PPP2R3A: variants seen among roughly 807,000 people sequenced by gnomAD.
PPP2R3A encodes the protein protein phosphatase 2 regulatory subunit B''alpha, also known as serine/threonine-protein phosphatase 2A regulatory subunit B'' subunit alpha.
Under a neutral mutation model 106.9 loss-of-function variants are expected in PPP2R3A, and 80 were observed. The ratio of observed to expected loss-of-function variants is 0.75; its 90% CI spans 0.62 to 0.90. PPP2R3A has a LOEUF of 0.90. Ranked by LOEUF, PPP2R3A falls within the 40% of genes least tolerant of loss-of-function variation. PPP2R3A has a pLI of 0.00. For missense variants in PPP2R3A, 1,386 were observed against 1,350.4 expected, an observed-to-expected ratio of 1.03 and a Z score of -0.41; for synonymous variants, 483 against 468.3, an observed-to-expected ratio of 1.03 and a Z score of -0.41.
At chr3:136,090,051 A>G (rs772193466) in intron 9 of PPP2R3A, among the ~76,000 whole-genome samples, 26 of 152,182 alleles carry the variant, frequency 1.7e-4, no homozygotes, top group Non-Finnish European at 3.4e-4. Flanking sequence ...GTTGTCAGCA[A>G]AGAGAGATAA....
At chr3:135,995,921 CT>C (rs1933378459) in intron 1 of PPP2R3A, among the ~76,000 whole-genome samples, 1 of 152,152 alleles carries the variant, frequency 6.6e-6, no homozygotes, top group South Asian at 2.1e-4. Context: ...GATGTTTATA[CT>C]TTCTTTCTCT....
At chr3:136,004,566 C>T (rs115966347) in intron 2 of PPP2R3A, among the ~76,000 whole-genome samples, 1,861 of 152,260 alleles carry the variant, frequency 0.012, 40 homozygotes, top group African/African-American at 0.043. Context: ...ACTGCCCCTA[C>T]CACATGAATG....
At chr3:136,075,757 G>A (rs1012196504) in intron 6 of PPP2R3A, among the ~76,000 whole-genome samples, 2 of 152,172 alleles carry the variant, frequency 1.3e-5, no homozygotes, top group African/African-American at 4.8e-5. Context: ...CATACTTTAA[G>A]ATAAATTTAC....
rs916616102 is a variant in PPP2R3A at position 136,128,434 on chromosome 3, A to T, written c.3330-16609A>T. On this transcript the variant is annotated intron_variant, in intron 13 of 13. Coordinates refer to ENST00000264977, the MANE Select transcript of PPP2R3A (RefSeq NM_002718.5). ...AAAGAGACAAAGAAGGCCATTACAT[A>T]ATGGTAAAGGGATCAATTCAACAAG... Among the ~76,000 whole-genome samples, 7 of 152,196 alleles carry T rather than the reference A, an allele frequency of 4.6e-5. No homozygotes were observed. In the East Asian group the frequency reaches 1.3e-3, roughly 29 times the overall value.
chr3:135,987,378 G>A (rs960572138), intron 1 of PPP2R3A, among the ~76,000 whole-genome samples: 4 of 152,036 alleles, frequency 2.6e-5, no homozygotes, highest in African/African-American at 9.7e-5. Flanking sequence ...CACACAGTAA[G>A]GCTGTGTTAT....
rs1934688543 is a variant in PPP2R3A at position 136,027,024 on chromosome 3, A to C, written c.2188A>C (p.Ser730Arg). ...CTGTAGTAATCATGAACAAACTCTA[A>C]GCAGAATTGAAACTGCTTTCATGGA... is the stretch of plus-strand genomic sequence containing the variant. ...DTCSNHEQTLSRIETAFMDIE... is the reference protein window; with the variant it reads ...DTCSNHEQTLRRIETAFMDIE... The change falls in exon 3 of 14, where the codon AGC (serine) becomes CGC (arginine). Residue 730 changes from serine to arginine, a missense_variant. By Grantham distance (110) the Ser-to-Arg change is moderately radical. Coordinates refer to ENST00000264977, the MANE Select transcript of PPP2R3A (RefSeq NM_002718.5). 4 of 1,613,144 alleles carry C rather than the reference A, an allele frequency of 2.5e-6. No individual in the cohort carries two copies. The highest frequency in any genetic ancestry group is 3.4e-6 in the Non-Finnish European group (4 of 1,179,158).
intron 13 of PPP2R3A, among the ~76,000 whole-genome samples, chr3:136,136,291 A>G (rs919484742): frequency 5.3e-5 from 8 of 152,004 alleles, no homozygotes; most frequent in Non-Finnish European, 1.2e-4. Flanking sequence ...CCTTAGGCAT[A>G]GTGTCTGTGT....
Position 136,026,930 on chromosome 3 carries a change from T to C in PPP2R3A, c.2094T>C (p.Asn698=), listed in dbSNP as rs769052141. The C allele has an allele frequency of 6.2e-7, 1 of 1,613,712 alleles. No homozygotes were observed. The highest frequency in any genetic ancestry group is 1.3e-5 in the African/African-American group (1 of 75,002). ...CTCTCTCCCCGGTTCCCCATGTGAA[T>C]AATGTTGTGAATGCGCCATTGTCCA... ...PRPLSPVPHV[N]NVVNAPLSIN... The change falls in exon 3 of 14, where the codon AAT becomes AAC. Residue 698 remains asparagine, a synonymous_variant. Coordinates refer to ENST00000264977, the MANE Select transcript of PPP2R3A (RefSeq NM_002718.5).
chr3:136,017,809 A>G (rs1934330332), intron 2 of PPP2R3A, among the ~76,000 whole-genome samples: 2 of 152,160 alleles, frequency 1.3e-5, no homozygotes, highest in Non-Finnish European at 2.9e-5. Context: ...CTGATTTCCC[A>G]GCCTCACTGT....
intron 1 of PPP2R3A, among the ~76,000 whole-genome samples, chr3:135,968,138 A>G (rs183461404): frequency 6.6e-6 from 1 of 152,322 alleles, no homozygotes; most frequent in Admixed American, 6.5e-5. Context: ...TATTTATTTA[A>G]CAGATTTCTG....
Position 136,003,486 on chromosome 3 carries a change from T to G in PPP2R3A, c.1988T>G (p.Val663Gly). Residue 663 changes from valine to glycine, a missense_variant, in exon 2 of 14, where the codon GTG becomes GGG. Transcript: ENST00000264977. ...SAVLIQQTPE[V>G]IKIQNKPEKK... is the part of the protein sequence containing the mutation. ...GTTTTGATTCAGCAGACTCCAGAGG[T>G]GATCAAGGTAAGACCCAACAATTTT... The G allele has an allele frequency of 6.3e-7, 1 of 1,598,442 alleles. No individual in the cohort carries two copies. The highest frequency in any genetic ancestry group is 1.1e-5 in the South Asian group (1 of 87,522).
At chr3:136,080,750 A>G (rs889083041) in intron 7 of PPP2R3A, among the ~76,000 whole-genome samples, 1 of 152,324 alleles carries the variant, frequency 6.6e-6, no homozygotes, top group East Asian at 1.9e-4. Flanking sequence ...CTTAGTGGGT[A>G]CAATCTTGTA....
intron 9 of PPP2R3A, 32 bp from the exon 10 acceptor site, chr3:136,090,546 C>T: frequency 3.2e-6 from 5 of 1,557,206 alleles, no homozygotes; most frequent in Non-Finnish European, 4.4e-6. Flanking sequence ...AGTAATTGCT[C>T]AGGAAATTTT....
chr3:136,141,769 G>A (rs750088892), intron 13 of PPP2R3A, among the ~76,000 whole-genome samples: 11 of 152,200 alleles, frequency 7.2e-5, no homozygotes, highest in Non-Finnish European at 1.2e-4. Flanking sequence ...CAGTAGCAAA[G>A]GATATGTGGC....
At position 136,055,477 on chromosome 3, in the gene PPP2R3A, G is replaced by T. The variant is rs1264138175; in HGVS notation, c.2469+6116G>T. ...TAAATGTGAAGACACAGCTCTTTCTGGATACAGAGACCAGTTTAGTTTGGA... is the reference window on the plus strand; with the variant it reads ...TAAATGTGAAGACACAGCTCTTTCTTGATACAGAGACCAGTTTAGTTTGGA... On this transcript the variant is annotated intron_variant, in intron 5 of 13. Coordinates refer to ENST00000264977, the MANE Select transcript of PPP2R3A (RefSeq NM_002718.5). 3 of 1,147,310 alleles carry T rather than the reference G, an allele frequency of 2.6e-6. No individual in the cohort carries two copies. The African/African-American group carries it at 4.6e-5, about 18-fold the overall frequency. The allele number at this position is 1,147,310 out of a possible 1,614,324, so 71.1% of individuals were successfully genotyped here.
At chr3:136,117,565 G>A (rs191925725) in intron 13 of PPP2R3A, among the ~76,000 whole-genome samples, 89 of 152,294 alleles carry the variant, frequency 5.8e-4, no homozygotes, top group African/African-American at 2.1e-3. Flanking sequence ...CGATCCCACA[G>A]AAATACAAAC....
chr3:136,060,600 G>A (rs1404785463), intron 5 of PPP2R3A, among the ~76,000 whole-genome samples: 11 of 151,980 alleles, frequency 7.2e-5, no homozygotes, highest in Admixed American at 5.9e-4. Flanking sequence ...CTTCCCCTTC[G>A]CCTTTCGCCA....
intron 5 of PPP2R3A, among the ~76,000 whole-genome samples, chr3:136,053,335 T>C (rs1458247997): frequency 6.6e-6 from 1 of 151,662 alleles, no homozygotes; most frequent in African/African-American, 2.4e-5. Context: ...ATAAATAGTT[T>C]AATAATAAAT....
chr3:135,997,565 G>A (rs1933450927), intron 1 of PPP2R3A, among the ~76,000 whole-genome samples: 1 of 152,084 alleles, frequency 6.6e-6, no homozygotes. Flanking sequence ...AGGTTTTTGT[G>A]TTCACATTTC....
Sources: allele counts gnomAD v4.1 joint callset (sites outside exome capture counted in the v4.1 genomes callset), GRCh38; gene constraint gnomAD v4.1.1; transcripts MANE v1.5; gene names NCBI Gene and HGNC (gene_info 2026-07-23, HGNC 2026-07-21).